The following TRDN variants were observed in gnomAD, a reference collection of about 807,000 sequenced individuals.
TRDN encodes triadin in skeletal muscle.
A neutral mutation model predicts 149.7 loss-of-function variants in TRDN; 161 were observed. The ratio of observed to expected loss-of-function variants is 1.08; its 90% confidence interval spans 0.95 to 1.23. The LOEUF is 1.23. Ranked by LOEUF, TRDN falls within the 50% of genes most tolerant of loss-of-function variation. The probability of loss-of-function intolerance (pLI) is 0.00; values close to 1 mark genes in which losing one functional copy is unlikely to be tolerated. For missense variants in TRDN, 896 were observed against 823.5 expected, an observed-to-expected ratio of 1.09 and a Z score of -1.08; for synonymous variants, 294 against 250.5, an observed-to-expected ratio of 1.17 and a Z score of -1.64.
Position 123,250,888 on chromosome 6 carries a change from G to T in TRDN, c.1975+1524C>A, listed in dbSNP as rs1032749797. Among the ~76,000 whole-genome samples, 3 of 152,004 alleles carry T rather than the reference G, an allele frequency of 2.0e-5. No individual in the cohort carries two copies. The Admixed American group carries it at 2.0e-4, about 10-fold the overall frequency. On this transcript the variant is annotated intron_variant, in intron 38 of 40. Coordinates refer to ENST00000334268, the MANE Select transcript of TRDN (RefSeq NM_006073.4). ...TACCTGACAGTTTCACCCGAAATGT[G>T]CTTACTTCCCACTTCTTTCCAACAC...
intron 1 of TRDN, among the ~76,000 whole-genome samples, chr6:123,617,471 A>G (rs1785152813): frequency 1.3e-5 from 2 of 152,102 alleles, no homozygotes; most frequent in African/African-American, 4.8e-5. Flanking sequence ...TTTCAAATAT[A>G]TATTAGTGGA....
chr6:123,551,342 TACACACAC>T (rs10638140), intron 2 of TRDN, among the ~76,000 whole-genome samples: 14 of 141,094 alleles, frequency 9.9e-5, no homozygotes, highest in Admixed American at 2.8e-4. Flanking sequence ...AAAACCTAAA[TACACACAC>T]ACACACACAC....
chr6:123,585,211 G>C (rs1783398184), intron 1 of TRDN, among the ~76,000 whole-genome samples: 1 of 150,654 alleles, frequency 6.6e-6, no homozygotes, highest in Non-Finnish European at 1.5e-5. Context: ...ATGAGATGTA[G>C]CTGTAATCCA....
intron 14 of TRDN, among the ~76,000 whole-genome samples, chr6:123,384,650 T>C (rs1444800049): frequency 6.6e-6 from 1 of 152,212 alleles, no homozygotes; most frequent in East Asian, 1.9e-4. Flanking sequence ...GAATCAATAA[T>C]ATATTTTATC....
chr6:123,514,897 G>A (rs543214563), intron 6 of TRDN, among the ~76,000 whole-genome samples: 10 of 151,930 alleles, frequency 6.6e-5, no homozygotes, highest in East Asian at 1.9e-4. Flanking sequence ...ACATGGACTC[G>A]GGGGTAACAT....
At chr6:123,412,812 A>T (rs994890729) in intron 12 of TRDN, among the ~76,000 whole-genome samples, 10 of 152,292 alleles carry the variant, frequency 6.6e-5, no homozygotes, top group Admixed American at 6.5e-4. Flanking sequence ...AATAATGGTA[A>T]ATCCTAAAAC....
intron 9 of TRDN, among the ~76,000 whole-genome samples, chr6:123,483,729 T>C (rs1163063049): frequency 6.6e-6 from 1 of 152,198 alleles, no homozygotes; most frequent in Admixed American, 6.5e-5. Flanking sequence ...GACTGGATTG[T>C]TATCTCCTTC....
At chr6:123,308,917 T>TA (rs533903231) in intron 24 of TRDN, among the ~76,000 whole-genome samples, 1 of 152,036 alleles carries the variant, frequency 6.6e-6, no homozygotes, top group South Asian at 2.1e-4. Context: ...TTTTAAAACT[T>TA]AAAAAATCAT....
intron 10 of TRDN, among the ~76,000 whole-genome samples, chr6:123,452,566 GGAA>G (rs1320134456): frequency 9.2e-5 from 14 of 151,802 alleles, no homozygotes; most frequent in African/African-American, 3.4e-4. Flanking sequence ...ACCTCTACAA[GGAA>G]AACTACAAAA....
chr6:123,471,086 T>C (rs566659827), intron 9 of TRDN: 1 of 152,282 alleles, frequency 6.6e-6, no homozygotes, highest in Middle Eastern at 3.4e-3. Flanking sequence ...TTCGGAGTAA[T>C]GGGTAGTGAT....
At chr6:123,328,687 C>T (rs544384005) in intron 23 of TRDN, among the ~76,000 whole-genome samples, 70 of 152,286 alleles carry the variant, frequency 4.6e-4, no homozygotes, top group African/African-American at 1.3e-3. Flanking sequence ...ATTTTCTCCA[C>T]TTTCCTGGGT....
chr6:123,601,166 T>A (rs1583308201), intron 1 of TRDN, among the ~76,000 whole-genome samples: 1 of 152,262 alleles, frequency 6.6e-6, no homozygotes, highest in Non-Finnish European at 1.5e-5. Context: ...AATATATGCA[T>A]ATCCATTTTT....
At chr6:123,393,784 C>T in intron 12 of TRDN, 107 bp from the exon 13 acceptor site, 1 of 1,059,552 alleles carries the variant, frequency 9.4e-7, no homozygotes, top group Admixed American at 2.7e-5. Context: ...AAAAGTGTTG[C>T]TTTTGACACG....
At chr6:123,551,748 A>ATAGT (rs10687709) in intron 2 of TRDN, among the ~76,000 whole-genome samples, 4,848 of 152,210 alleles carry the variant, frequency 0.032, 106 homozygotes, top group African/African-American at 0.066. Context: ...CTCAGGTTAC[A>ATAGT]TAGTAAGTGA....
chr6:123,434,624 T>C (rs1046534751), intron 12 of TRDN, among the ~76,000 whole-genome samples: 2 of 152,194 alleles, frequency 1.3e-5, no homozygotes, highest in Non-Finnish European at 1.5e-5. Context: ...CCAACTACAG[T>C]GTTTAGTGTT....
At chr6:123,290,025 G>A (rs1040620767) in intron 24 of TRDN, among the ~76,000 whole-genome samples, 13 of 152,132 alleles carry the variant, frequency 8.5e-5, no homozygotes, top group African/African-American at 2.9e-4. Flanking sequence ...TTGGACCCAA[G>A]ACCCAGTGGA....
At chr6:123,370,090 C>T (rs1781264617) in intron 19 of TRDN, among the ~76,000 whole-genome samples, 2 of 152,124 alleles carry the variant, frequency 1.3e-5, no homozygotes, top group Admixed American at 1.3e-4. Flanking sequence ...CATTTGTGCA[C>T]ATTCTAATGA....
intron 22 of TRDN, among the ~76,000 whole-genome samples, chr6:123,336,409 T>C (rs557857379): frequency 6.6e-6 from 1 of 151,892 alleles, no homozygotes; most frequent in African/African-American, 2.4e-5. Context: ...TGGCAAAGAG[T>C]AGATGCACCA....
intron 9 of TRDN, among the ~76,000 whole-genome samples, chr6:123,466,026 A>G (rs545515727): frequency 6.6e-6 from 1 of 152,322 alleles, no homozygotes; most frequent in East Asian, 1.9e-4. Context: ...TCTGTTCATC[A>G]TATATGGTTC....
Sources: gnomAD v4.1 joint callset for allele counts (sites outside exome capture counted in the v4.1 genomes callset) on GRCh38, gnomAD v4.1.1 for gene constraint, MANE v1.5 for transcripts, NCBI Gene and HGNC (gene_info 2026-07-23, HGNC 2026-07-21) for gene names.